The following NHS variants were observed in gnomAD, a reference collection of about 807,000 sequenced individuals.
The protein encoded by NHS is NHS actin remodeling regulator.
A neutral mutation model predicts 72.5 loss-of-function variants in NHS; 5 were observed. The observed-to-expected ratio is 0.07, with a 90% confidence interval of 0.04 to 0.14. NHS has a LOEUF of 0.14. NHS is among the 10% of genes least tolerant of loss of function. The pLI, the probability that NHS is intolerant of heterozygous loss-of-function variation, is 1.00. For missense variants in NHS, 1,072 were observed against 1,355.7 expected, an observed-to-expected ratio of 0.79 and a Z score of 3.29; for synonymous variants, 464 against 547.7, an observed-to-expected ratio of 0.85 and a Z score of 2.13.
intron 1 of NHS, among the ~76,000 whole-genome samples, chrX:17,577,781 C>G (rs1357792779): frequency 9.0e-6 from 1 of 111,575 alleles, no homozygotes; most frequent in Non-Finnish European, 1.9e-5. Context: ...GAGTTAGAAG[C>G]CTGTCTGTGT....
At chrX:17,505,685 C>T (rs760189789) in intron 1 of NHS, among the ~76,000 whole-genome samples, 3 of 109,104 alleles carry the variant, frequency 2.7e-5, no homozygotes, top group Admixed American at 2.0e-4. Flanking sequence ...GTGACTTGCC[C>T]GAGCCAAGCA....
intron 1 of NHS, among the ~76,000 whole-genome samples, chrX:17,457,517 A>G (rs774086604): frequency 8.1e-5 from 9 of 111,558 alleles, no homozygotes; most frequent in Non-Finnish European, 1.7e-4. Context: ...CAAAGCATGC[A>G]TGAGGGATCC....
chrX:17,704,958 A>G lies in NHS; in HGVS notation c.852+12490A>G, dbSNP rs144946449. Among the ~76,000 whole-genome samples, 468 of 112,132 alleles carry G rather than the reference A, an allele frequency of 4.2e-3. 5 individuals are homozygous for G. The highest frequency in any genetic ancestry group is 0.014 in the African/African-American group (439 of 30,866). ...AGGAAGCAAAGGACATATGGACAAGATTGAAGGAGCATGCGGAAGCCTACA... is the reference window on the plus strand; with the variant it reads ...AGGAAGCAAAGGACATATGGACAAGGTTGAAGGAGCATGCGGAAGCCTACA... On this transcript the variant is annotated intron_variant, in intron 3 of 8. Transcript: ENST00000676302.
intron 3 of NHS, among the ~76,000 whole-genome samples, chrX:17,712,997 T>A (rs1015885101): frequency 2.7e-5 from 3 of 111,157 alleles, no homozygotes; most frequent in Non-Finnish European, 5.7e-5. Context: ...AATGTCGGAG[T>A]TGAGGAGAGG....
At position 17,590,837 on chromosome X, in the gene NHS, A is replaced by G. The variant is rs186808225; in HGVS notation, c.566-96905A>G. The stretch of plus-strand genomic sequence containing the variant: ...TCCCCCCCAACACACACATACAAAG[A>G]AAAACCAAGAAGATGAAAGGAACTA... On this transcript the variant is annotated intron_variant, in intron 1 of 8. Coordinates refer to ENST00000676302, the MANE Select transcript of NHS (RefSeq NM_001291867.2). Among the ~76,000 whole-genome samples the G allele has an allele frequency of 5.0e-3, 555 of 111,983 alleles. 2 individuals carry two copies. The highest frequency in any genetic ancestry group is 0.019 in the Middle Eastern group (4 of 216).
At chrX:17,597,341 G>T (rs2065629439) in intron 1 of NHS, among the ~76,000 whole-genome samples, 1 of 108,963 alleles carries the variant, frequency 9.2e-6, no homozygotes, top group African/African-American at 3.3e-5. Flanking sequence ...TAGCCAGGAT[G>T]ATCTCGATCT....
chrX:17,631,730 C>G (rs1281450904), intron 1 of NHS, among the ~76,000 whole-genome samples: 1 of 112,155 alleles, frequency 8.9e-6, no homozygotes, highest in Non-Finnish European at 1.9e-5. Flanking sequence ...TTTAATCCCC[C>G]CAGCAACTGT....
At chrX:17,534,787 C>G (rs1046488925) in intron 1 of NHS, among the ~76,000 whole-genome samples, 3 of 112,519 alleles carry the variant, frequency 2.7e-5, no homozygotes. Context: ...CTAGCAGATG[C>G]TATTGGTGCC....
At chrX:17,415,507 G>A (rs753870264) in intron 1 of NHS, among the ~76,000 whole-genome samples, 2 of 111,139 alleles carry the variant, frequency 1.8e-5, no homozygotes, top group African/African-American at 6.5e-5. Flanking sequence ...ATAATTGCTC[G>A]GCAGGGGGGA....
intron 1 of NHS, among the ~76,000 whole-genome samples, chrX:17,638,958 T>C (rs974394290): frequency 9.0e-6 from 1 of 111,675 alleles, no homozygotes; most frequent in Non-Finnish European, 1.9e-5. Context: ...ACAGTGTGCC[T>C]AGGGGAGGGC....
At chrX:17,429,688 G>C (rs976490576) in intron 1 of NHS, among the ~76,000 whole-genome samples, 1 of 111,599 alleles carries the variant, frequency 9.0e-6, no homozygotes, top group African/African-American at 3.3e-5. Flanking sequence ...ATGGTGCAGA[G>C]AGAGCTATTG....
Position 17,726,138 on chromosome X carries a change from G to A in NHS, c.2032G>A (p.Asp678Asn), listed in dbSNP as rs746410009. Reference protein sequence around the residue: ...SLNTAPHANEDASVFVTEQYN... With the variant: ...SLNTAPHANENASVFVTEQYN... ...AAACACAGCCCCTCATGCCAATGAG[G>A]ATGCCAGTGTTTTCGTGACAGAGCA... Residue 678 changes from aspartate to asparagine, a missense_variant, in exon 7 of 9, where the codon GAT (aspartate) becomes AAT (asparagine). By Grantham distance (23) the Asp-to-Asn change is conservative. Coordinates refer to ENST00000676302, the MANE Select transcript of NHS (RefSeq NM_001291867.2). 8.3e-7 allele frequency: 1 copy of A among 1,212,078 alleles called. No individual in the cohort carries two copies. The highest frequency in any genetic ancestry group is 2.2e-5 in the Admixed American group (1 of 46,088).
intron 3 of NHS, among the ~76,000 whole-genome samples, chrX:17,704,053 C>T (rs2066281407): frequency 9.0e-6 from 1 of 111,146 alleles, no homozygotes; most frequent in African/African-American, 3.3e-5. Flanking sequence ...GAATCACAGG[C>T]CAGAGAGAGA....
intron 1 of NHS, among the ~76,000 whole-genome samples, chrX:17,565,966 C>T (rs902290772): frequency 1.8e-5 from 2 of 108,726 alleles, no homozygotes; most frequent in African/African-American, 3.4e-5. Flanking sequence ...AATGGTGAGC[C>T]GTAATTGACT....
chrX:17,692,229 C>A (rs1165897163), intron 2 of NHS, 106 bp from the exon 3 acceptor site: 1 of 940,242 alleles, frequency 1.1e-6, no homozygotes. Context: ...GTAATGAAAA[C>A]TCACTTTTTT....
intron 1 of NHS, among the ~76,000 whole-genome samples, chrX:17,540,901 G>A (rs1017710870): frequency 4.5e-5 from 5 of 110,996 alleles, no homozygotes; most frequent in Admixed American, 9.6e-5. Context: ...GCAACATGGC[G>A]AGACTCCGTC....
chrX:17,626,956 C>T (rs994038535), intron 1 of NHS, among the ~76,000 whole-genome samples: 7 of 112,188 alleles, frequency 6.2e-5, no homozygotes, highest in Middle Eastern at 4.6e-3. Context: ...ATGAAAAAGA[C>T]GAATTCCAAG....
Position 17,375,945 on chromosome X carries a change from C to T in NHS, c.188C>T (p.Ala63Val). ...GAGGAGCCAGCCCGCGCCGTCCCTGCACCTTCAGGGCTGCCACCGCCGCCG... is the reference window on the plus strand; with the variant it reads ...GAGGAGCCAGCCCGCGCCGTCCCTGTACCTTCAGGGCTGCCACCGCCGCCG... ...GPEEPARAVP[A>V]PSGLPPPPPP... Residue 63 changes from alanine to valine, a missense_variant, in exon 1 of 9, where the codon GCA (alanine) becomes GTA (valine). Coordinates refer to ENST00000676302, the MANE Select transcript of NHS (RefSeq NM_001291867.2). 9.2e-7 allele frequency: 1 copy of T among 1,085,476 alleles called. No homozygotes were observed. The highest frequency in any genetic ancestry group is 1.2e-6 in the Non-Finnish European group (1 of 839,387). 89.5% of individuals were successfully genotyped at this position (1,085,476 alleles called of 1,213,427 possible). A position where few individuals can be genotyped will look rare whatever the true frequency, so the allele number is the denominator to read the frequency against.
intron 1 of NHS, among the ~76,000 whole-genome samples, chrX:17,478,799 T>C (rs2146908306): frequency 8.9e-6 from 1 of 112,412 alleles, no homozygotes; most frequent in Non-Finnish European, 1.9e-5. Context: ...CTGCACTGTC[T>C]AATATGGTAG....
Sources: gnomAD v4.1 joint callset for allele counts (sites outside exome capture counted in the v4.1 genomes callset) on GRCh38, gnomAD v4.1.1 for gene constraint, MANE v1.5 for transcripts, NCBI Gene and HGNC (gene_info 2026-07-23, HGNC 2026-07-21) for gene names.